Variants in NRXN1 observed in about 807,000 individuals in gnomAD.
NRXN1 encodes neurexin-1.
NRXN1 carries 39 observed loss-of-function variants against 150.9 expected under a neutral mutation model. That is an observed-to-expected ratio of 0.26 (90% confidence interval 0.20 to 0.34). The LOEUF (loss-of-function observed/expected upper bound fraction) is 0.34. Ranked by LOEUF, NRXN1 falls within the 10% of genes least tolerant of loss-of-function variation. NRXN1 has a pLI of 1.00. For synonymous variants in NRXN1, 924 were observed against 757.0 expected (o/e 1.22, Z -3.62); for missense variants, 1,815 against 1,949.9 (o/e 0.93, Z 1.30).
chr2:50,271,614 T>C (rs2069655264), intron 17 of NRXN1, among the ~76,000 whole-genome samples: 1 of 152,184 alleles, frequency 6.6e-6, no homozygotes, highest in Non-Finnish European at 1.5e-5. Flanking sequence ...ATTTTATAGG[T>C]CACTGTCTTG....
At chr2:50,387,960 G>T (rs956652518) in intron 17 of NRXN1, among the ~76,000 whole-genome samples, 1 of 152,136 alleles carries the variant, frequency 6.6e-6, no homozygotes, top group East Asian at 1.9e-4. Context: ...AAAACTGAAA[G>T]ATGATTAGAT....
At chr2:49,987,714 G>T (rs1681167013) in intron 21 of NRXN1, among the ~76,000 whole-genome samples, 1 of 151,374 alleles carries the variant, frequency 6.6e-6, no homozygotes, top group Non-Finnish European at 1.5e-5. Context: ...TACCTAAATA[G>T]AAGGATGAGC....
intron 17 of NRXN1, among the ~76,000 whole-genome samples, chr2:50,360,631 C>T (rs1325628622): frequency 6.6e-6 from 1 of 152,154 alleles, no homozygotes; most frequent in South Asian, 2.1e-4. Context: ...TAGAGACCTA[C>T]AAAGAGACTT....
intron 15 of NRXN1, among the ~76,000 whole-genome samples, chr2:50,491,591 G>A (rs905998371): frequency 1.3e-5 from 2 of 152,200 alleles, no homozygotes; most frequent in Non-Finnish European, 2.9e-5. Context: ...GACAATGCCA[G>A]AGCTCAAAAT....
intron 21 of NRXN1, among the ~76,000 whole-genome samples, chr2:49,978,123 C>T (rs1679316369): frequency 6.6e-6 from 1 of 152,084 alleles, no homozygotes; most frequent in African/African-American, 2.4e-5. Flanking sequence ...GATTGCACCA[C>T]CGCACTCCAG....
At chr2:50,952,580 C>A (rs759625118) in intron 2 of NRXN1, among the ~76,000 whole-genome samples, 1 of 152,110 alleles carries the variant, frequency 6.6e-6, no homozygotes, top group Non-Finnish European at 1.5e-5. Flanking sequence ...ATGATCTATG[C>A]TACCACGGAG....
At chr2:50,113,869 T>G (rs1558906477) in intron 18 of NRXN1, among the ~76,000 whole-genome samples, 1 of 152,188 alleles carries the variant, frequency 6.6e-6, no homozygotes, top group Non-Finnish European at 1.5e-5. Context: ...TATTGAACAC[T>G]AATCATTCAA....
intron 19 of NRXN1, among the ~76,000 whole-genome samples, chr2:50,055,804 C>A (rs1693507227): frequency 6.6e-6 from 1 of 151,924 alleles, no homozygotes. Flanking sequence ...TTTATATAGT[C>A]AAATATCTGC....
chr2:50,202,072 G>A (rs562125350), intron 18 of NRXN1, among the ~76,000 whole-genome samples: 2 of 152,100 alleles, frequency 1.3e-5, no homozygotes, highest in South Asian at 4.1e-4. Flanking sequence ...AGTTAAAGGG[G>A]GAAACACATT....
At chr2:50,627,353 A>ATGTG (rs1461501689) in intron 5 of NRXN1, among the ~76,000 whole-genome samples, 5 of 81,278 alleles carry the variant, frequency 6.2e-5, no homozygotes, top group South Asian at 6.7e-4. Context: ...GTTCTGGTTC[A>ATGTG]TGTATGTGTG....
intron 5 of NRXN1, among the ~76,000 whole-genome samples, chr2:50,673,394 T>A (rs1689124993): frequency 6.6e-6 from 1 of 152,122 alleles, no homozygotes; most frequent in South Asian, 2.1e-4. Context: ...GTCATTAAAG[T>A]TATAATTTAC....
intron 17 of NRXN1, among the ~76,000 whole-genome samples, chr2:50,443,915 A>T (rs2086182349): frequency 6.6e-6 from 1 of 152,166 alleles, no homozygotes; most frequent in Non-Finnish European, 1.5e-5. Flanking sequence ...AATAACTTAA[A>T]TATTTGACTG....
chr2:50,088,187 G>C (rs1699064932), intron 19 of NRXN1, among the ~76,000 whole-genome samples: 1 of 152,072 alleles, frequency 6.6e-6, no homozygotes, highest in Non-Finnish European at 1.5e-5. Flanking sequence ...CAATCACCGT[G>C]TCACAAAAAC....
intron 8 of NRXN1, among the ~76,000 whole-genome samples, chr2:50,558,120 T>G (rs1668517928): frequency 6.6e-6 from 1 of 152,194 alleles, no homozygotes; most frequent in African/African-American, 2.4e-5. Context: ...CAGGCCCTCT[T>G]ATAAGAGTTT....
At chr2:50,798,963 CTAAA>C (rs1454872478) in intron 5 of NRXN1, among the ~76,000 whole-genome samples, 3 of 152,128 alleles carry the variant, frequency 2.0e-5, no homozygotes, top group Admixed American at 6.6e-5. Flanking sequence ...TATAATGTGT[CTAAA>C]TATTAGGTTG....
intron 18 of NRXN1, among the ~76,000 whole-genome samples, chr2:50,157,129 A>C (rs1183321326): frequency 6.6e-6 from 1 of 152,106 alleles, no homozygotes; most frequent in South Asian, 2.1e-4. Flanking sequence ...ACTACATAAA[A>C]TGCCTTCTGT....
Position 50,346,878 on chromosome 2 carries a change from G to A in NRXN1, c.3365-109908C>T. 3.1e-6 allele frequency: 4 copies of A among 1,295,216 alleles called. No homozygotes were observed. Among genetic ancestry groups the A allele is most frequent in the South Asian group, 2.5e-5 (1 of 40,702 alleles). 80.2% of individuals were successfully genotyped at this position (1,295,216 alleles called of 1,614,324 possible). A position where few individuals can be genotyped will look rare whatever the true frequency, so the allele number is the denominator to read the frequency against. On this transcript the variant is annotated intron_variant, in intron 17 of 22. Coordinates refer to ENST00000401669, the MANE Select transcript of NRXN1 (RefSeq NM_001330078.2). The surrounding 1 kb of genome is among the most constrained non-coding windows in gnomAD (Gnocchi z 5.0). ...GGGCCAGGCGCCCCCCTGCGCCGCC[G>A]CCGCCGCCGCCGCCGCCGCCGCCCC...
rs189501008 is a variant in NRXN1, at chr2:50,782,547, T to C, written c.832+139322A>G. Among the ~76,000 whole-genome samples, 176 of 152,274 alleles carry C rather than the reference T, an allele frequency of 1.2e-3. 1 individual carries two copies. Among genetic ancestry groups the C allele is most frequent in the African/African-American group, 4.2e-3 (174 of 41,588 alleles). The stretch of plus-strand genomic sequence containing the variant: ...GGATTGTAGCACCTGCGATAACTTC[T>C]TTATTTCTATACTTTTGTATAGTGT... On this transcript the variant is annotated intron_variant, in intron 5 of 22. Coordinates refer to ENST00000401669, the MANE Select transcript of NRXN1 (RefSeq NM_001330078.2).
intron 18 of NRXN1, among the ~76,000 whole-genome samples, chr2:50,135,479 T>A (rs930470428): frequency 6.6e-5 from 10 of 151,936 alleles, no homozygotes; most frequent in African/African-American, 2.2e-4. Flanking sequence ...GATCACGAGG[T>A]CAGGAGATCC....
Sources: allele counts gnomAD v4.1 joint callset (sites outside exome capture counted in the v4.1 genomes callset), GRCh38; gene constraint gnomAD v4.1.1; non-coding constraint Gnocchi (gnomAD v3.1); transcripts MANE v1.5; gene names NCBI Gene and HGNC (gene_info 2026-07-23, HGNC 2026-07-21).